CTDSPL2: variants seen among roughly 807,000 people sequenced by gnomAD.
CTDSPL2 encodes the protein CTD small phosphatase-like protein 2.
In CTDSPL2, 5 loss-of-function variants were observed where a neutral mutation model predicts 60.0. The observed-to-expected ratio is 0.08, with a 90% CI of 0.04 to 0.18. The LOEUF is 0.18. Ranked by LOEUF, CTDSPL2 falls within the 10% of genes least tolerant of loss-of-function variation. The pLI is 1.00. For synonymous variants in CTDSPL2, 186 were observed against 189.3 expected, an observed-to-expected ratio of 0.98 and a Z score of 0.14; for missense variants, 370 against 548.8, an observed-to-expected ratio of 0.67 and a Z score of 3.26.
At chr15:44,493,663 G>A (rs771467092) in intron 5 of CTDSPL2, among the ~76,000 whole-genome samples, 2 of 152,098 alleles carry the variant, frequency 1.3e-5, no homozygotes, top group South Asian at 4.1e-4. Context: ...GCTGGGCATC[G>A]TGGCTTGCAT....
At chr15:44,444,672 C>G (rs999471663) in intron 1 of CTDSPL2, among the ~76,000 whole-genome samples, 1 of 148,688 alleles carries the variant, frequency 6.7e-6, no homozygotes, top group African/African-American at 2.5e-5. Flanking sequence ...AGTCTTAGCT[C>G]TAATGTTTAG....
intron 1 of CTDSPL2, among the ~76,000 whole-genome samples, chr15:44,431,716 G>A (rs200160006): frequency 1.5e-5 from 2 of 133,628 alleles, no homozygotes; most frequent in East Asian, 4.2e-4. Context: ...TTGTTTGTTT[G>A]TTTTTTTTTT....
chr15:44,507,247 G>A (rs1386216781), intron 8 of CTDSPL2, among the ~76,000 whole-genome samples: 1 of 151,676 alleles, frequency 6.6e-6, no homozygotes, highest in Non-Finnish European at 1.5e-5. Flanking sequence ...ACCATGCCGA[G>A]CTAATTTTTG....
chr15:44,521,721 G>A (rs2081772390), intron 12 of CTDSPL2, among the ~76,000 whole-genome samples: 1 of 151,506 alleles, frequency 6.6e-6, no homozygotes, highest in African/African-American at 2.4e-5. Context: ...GGCGGATCAC[G>A]AGGTCAGGAG....
rs1394985494 is a variant in CTDSPL2 at position 44,522,718 on chromosome 15, A to G, written c.1335+1312A>G. ...CAGTGAGCCGAGATTGCACCACTGCACTCCAGCCTGGGCAACAGAGTGAGA... is the reference window on the plus strand; with the variant it reads ...CAGTGAGCCGAGATTGCACCACTGCGCTCCAGCCTGGGCAACAGAGTGAGA... On this transcript the variant is annotated intron_variant, in intron 12 of 12. Transcript: ENST00000260327. Among the ~76,000 whole-genome samples the G allele has an allele frequency of 3.9e-5, 6 of 152,282 alleles. No individual in the cohort carries two copies. In the South Asian group the frequency reaches 6.2e-4, roughly 16 times the overall value.
chr15:44,487,409 C>T (rs1339229636), intron 4 of CTDSPL2, among the ~76,000 whole-genome samples: 1 of 152,138 alleles, frequency 6.6e-6, no homozygotes, highest in Admixed American at 6.5e-5. Context: ...TTTGAGGCTG[C>T]AGTGTGCTGT....
chr15:44,455,307 A>C (rs1262043853), intron 1 of CTDSPL2, among the ~76,000 whole-genome samples: 1 of 152,200 alleles, frequency 6.6e-6, no homozygotes, highest in African/African-American at 2.4e-5. Context: ...TTATCAGCTT[A>C]AGGAGATTTT....
intron 8 of CTDSPL2, among the ~76,000 whole-genome samples, chr15:44,510,236 G>A (rs760298944): frequency 1.3e-5 from 2 of 152,030 alleles, no homozygotes; most frequent in Non-Finnish European, 2.9e-5. Context: ...GACCTCAGGC[G>A]ATCCACTCGT....
chr15:44,445,346 C>T (rs1466307739), intron 1 of CTDSPL2, among the ~76,000 whole-genome samples: 1 of 151,904 alleles, frequency 6.6e-6, no homozygotes, highest in African/African-American at 2.4e-5. Context: ...CACCATCACA[C>T]CTAGCAAATT....
intron 1 of CTDSPL2, among the ~76,000 whole-genome samples, chr15:44,434,378 G>A (rs1181563951): frequency 2.0e-5 from 3 of 152,058 alleles, no homozygotes; most frequent in East Asian, 3.9e-4. Context: ...GCAGCCTGAC[G>A]GCAGAGCAAG....
intron 12 of CTDSPL2, 135 bp downstream of exon 12, chr15:44,521,541 G>A (rs1197448116): frequency 2.0e-6 from 1 of 496,746 alleles, no homozygotes; most frequent in African/African-American, 2.0e-5. Context: ...TGCCATCATA[G>A]GCGCCTGTAG....
rs187671593 is a variant in CTDSPL2, at chr15:44,453,589, C to T, written c.-24-5402C>T. On this transcript the variant is annotated intron_variant, in intron 1 of 12. Coordinates refer to ENST00000260327, the MANE Select transcript of CTDSPL2 (RefSeq NM_016396.3). The stretch of plus-strand genomic sequence containing the variant: ...TCCCTCCCCCATCCCCCCCACCCCA[C>T]GACAGGCCCCAGTGTGTGATATTCC... Among the ~76,000 whole-genome samples the T allele has an allele frequency of 9.0e-3, 1,314 of 145,402 alleles. 22 individuals carry two copies. The highest frequency in any genetic ancestry group is 0.032 in the African/African-American group (1,253 of 38,790).
intron 4 of CTDSPL2, among the ~76,000 whole-genome samples, chr15:44,488,684 G>A (rs943536660): frequency 1.3e-5 from 2 of 151,950 alleles, no homozygotes; most frequent in Middle Eastern, 3.4e-3. Flanking sequence ...GCATGGTGGC[G>A]CACACCCACC....
chr15:44,494,839 C>T (rs756254671), intron 5 of CTDSPL2, among the ~76,000 whole-genome samples: 14 of 150,934 alleles, frequency 9.3e-5, no homozygotes, highest in East Asian at 4.0e-4. Context: ...TTGCTTGAAC[C>T]GGTGAGGCGG....
At chr15:44,520,320 T>C (rs1282293947) in intron 11 of CTDSPL2, 3 of 151,962 alleles carry the variant, frequency 2.0e-5, no homozygotes, top group Non-Finnish European at 4.4e-5. Flanking sequence ...CTAATTTTTT[T>C]GTATTATTAG....
intron 1 of CTDSPL2, among the ~76,000 whole-genome samples, chr15:44,457,170 C>T (rs2080465163): frequency 6.6e-6 from 1 of 152,194 alleles, no homozygotes; most frequent in Non-Finnish European, 1.5e-5. Context: ...AGCCACTGTG[C>T]CCAGCCTGCT....
chr15:44,506,260 C>A (rs764154412), intron 8 of CTDSPL2, among the ~76,000 whole-genome samples: 1 of 151,448 alleles, frequency 6.6e-6, no homozygotes, highest in African/African-American at 2.4e-5. Flanking sequence ...GAACTCCTCA[C>A]CTCAAGTGAT....
At chr15:44,442,680 CA>C (rs577392376) in intron 1 of CTDSPL2, among the ~76,000 whole-genome samples, 8 of 145,522 alleles carry the variant, frequency 5.5e-5, no homozygotes, top group Non-Finnish European at 1.1e-4. Flanking sequence ...AGTTGGTTAG[CA>C]AAAAAAAAAT....
intron 2 of CTDSPL2, among the ~76,000 whole-genome samples, chr15:44,463,395 G>C (rs1294214589): frequency 6.6e-6 from 1 of 152,176 alleles, no homozygotes; most frequent in Non-Finnish European, 1.5e-5. Context: ...GCCCACCTCA[G>C]CCTCCCAGAG....
Sources: gnomAD v4.1 joint callset for allele counts (sites outside exome capture counted in the v4.1 genomes callset) on GRCh38, gnomAD v4.1.1 for gene constraint, MANE v1.5 for transcripts, NCBI Gene and HGNC (gene_info 2026-07-23, HGNC 2026-07-21) for gene names.